Variants in BRCA1 observed in about 807,000 individuals in gnomAD.
The protein encoded by BRCA1 is BRCA1 DNA repair associated, also known as breast cancer type 1 susceptibility protein.
A neutral mutation model predicts 173.7 loss-of-function variants in BRCA1; 140 were observed. The observed-to-expected ratio is 0.81, with a 90% CI of 0.70 to 0.93. The LOEUF (loss-of-function observed/expected upper bound fraction) is 0.93. Ranked by LOEUF, BRCA1 falls within the 40% of genes least tolerant of loss-of-function variation. BRCA1 has a pLI of 0.00. For synonymous variants in BRCA1, 662 were observed against 756.0 expected (o/e 0.88, Z 2.04); for missense variants, 1,983 against 2,172.5 (o/e 0.91, Z 1.73).
Position 43,093,063 on chromosome 17 carries a change from C to T in BRCA1, c.2468G>A (p.Arg823Lys), listed in dbSNP as rs876659731. 6.2e-7 allele frequency: 1 copy of T among 1,613,820 alleles called. No homozygotes were observed. The highest frequency in any genetic ancestry group is 1.1e-5 in the South Asian group (1 of 91,080). ...GLIHGCSKDNRNDTEGFKYPL... is the reference protein window; with the variant it reads ...GLIHGCSKDNKNDTEGFKYPL... Reference sequence around the variant, plus strand: ...ATACTTAAAGCCTTCTGTGTCATTTCTATTATCTTTGGAACAACCATGAAT... The same window carrying T: ...ATACTTAAAGCCTTCTGTGTCATTTTTATTATCTTTGGAACAACCATGAAT... The change falls in exon 10 of 23, where the codon AGA becomes AAA. Residue 823 changes from arginine (R) to lysine (K), a missense_variant. By Grantham distance (26) the Arg-to-Lys change is conservative. Coordinates refer to ENST00000357654, the MANE Select transcript of BRCA1 (RefSeq NM_007294.4).
At position 43,138,827 on chromosome 17, in the gene BRCA1, C is replaced by A. The variant is rs543077107; in HGVS notation, c.-19-14712G>T. 3.9e-6 allele frequency: 3 copies of A among 778,902 alleles called. No individual in the cohort carries two copies. In the South Asian group the frequency reaches 4.0e-5, roughly 10 times the overall value. 48.2% of individuals were successfully genotyped at this position (778,902 alleles called of 1,614,324 possible). ...TGGTCAGCTGGACTCCATACTCCCC[C>A]ACCAGTCACCAGCCTGGGGACCGTG... is the stretch of plus-strand genomic sequence containing the variant. On this transcript the variant is annotated intron_variant, in intron 1 of 7. Transcript: ENST00000634433.
intron 13 of BRCA1, 117 bp downstream of exon 13, chr17:43,076,371 G>A: frequency 8.0e-7 from 1 of 1,253,078 alleles, no homozygotes; most frequent in Non-Finnish European, 1.1e-6. Context: ...CAATAAAAGT[G>A]TATAAATGCC....
chr17:43,094,546 T>A lies in BRCA1; in HGVS notation c.985A>T (p.Asn329Tyr), dbSNP rs786203732. The A allele has an allele frequency of 1.2e-6, 2 of 1,614,104 alleles. No homozygotes were observed. The highest frequency in any genetic ancestry group is 2.7e-5 in the African/African-American group (2 of 74,942). The change falls in exon 10 of 23, where the codon AAT becomes TAT. Residue 329 changes from asparagine (N) to tyrosine (Y), a missense_variant. Coordinates refer to ENST00000357654, the MANE Select transcript of BRCA1 (RefSeq NM_007294.4). ...NRWAGSKETC[N>Y]DRRTPSTEKK... ...TCTGTGCTGGGAGTCCGCCTATCAT[T>A]ACATGTTTCCTTACTTCCAGCCCAT...
chr17:43,081,484 T>G (rs1278280628), intron 12 of BRCA1, among the ~76,000 whole-genome samples: 3 of 152,204 alleles, frequency 2.0e-5, no homozygotes, highest in Non-Finnish European at 2.9e-5. Context: ...CCAGTTGGAC[T>G]GTGGAACGGG....
chr17:43,070,812 G>T, intron 15 of BRCA1, 116 bp downstream of exon 15: 2 of 1,225,474 alleles, frequency 1.6e-6, no homozygotes, highest in Non-Finnish European at 2.4e-6. Context: ...ACACAGAACT[G>T]TGATTGTTTT....
chr17:43,063,405 A>G lies in BRCA1; in HGVS notation c.5153-32T>C, dbSNP rs1222083835. The G allele has an allele frequency of 1.9e-6, 3 of 1,577,344 alleles. No individual in the cohort carries two copies. The highest frequency in any genetic ancestry group is 2.6e-6 in the Non-Finnish European group (3 of 1,147,738). ...AGATCATAGAAAAGACAGGTTACAT[A>G]CAGCAGAAGAACGTGCTCTTTTCAC... On this transcript the variant is annotated intron_variant, in intron 17 of 22. Coordinates refer to ENST00000357654, the MANE Select transcript of BRCA1 (RefSeq NM_007294.4).
At chr17:43,064,746 A>G (rs981995339) in intron 16 of BRCA1, among the ~76,000 whole-genome samples, 11 of 152,120 alleles carry the variant, frequency 7.2e-5, no homozygotes, top group African/African-American at 2.7e-4. Flanking sequence ...TATTACACTT[A>G]AAAACTTCAG....
At chr17:43,102,012 C>T (rs914044782) in intron 6 of BRCA1, among the ~76,000 whole-genome samples, 1 of 152,072 alleles carries the variant, frequency 6.6e-6, no homozygotes, top group African/African-American at 2.4e-5. Flanking sequence ...AAGCAATGCT[C>T]CAGCCTCAGC....
intron 1 of BRCA1, chr17:43,167,271 A>G (rs1338785374): frequency 2.6e-5 from 4 of 152,186 alleles, no homozygotes; most frequent in African/African-American, 9.6e-5. Flanking sequence ...AACTTATCAG[A>G]CACCGAGTTA....
In BRCA1 at chr17:43,115,780, C is replaced by T. The variant is rs80358018; in HGVS notation, c.81-1G>A. 6.2e-7 allele frequency: 1 copy of T among 1,613,154 alleles called. No homozygotes were observed. Among genetic ancestry groups the T allele is most frequent in the Non-Finnish European group, 8.5e-7 (1 of 1,179,534 alleles). On this transcript the variant is annotated splice_acceptor_variant, in intron 2 of 22. Coordinates refer to ENST00000357654, the MANE Select transcript of BRCA1 (RefSeq NM_007294.4). LOFTEE classifies it high-confidence loss of function. ...GACAGGTTCCTTGATCAACTCCAGACTAGCAGGGTAGGGGGGGAGAAAAAG... is the reference window on the plus strand; with the variant it reads ...GACAGGTTCCTTGATCAACTCCAGATTAGCAGGGTAGGGGGGGAGAAAAAG...
chr17:43,084,780 T>C (rs1306720743), intron 11 of BRCA1, among the ~76,000 whole-genome samples: 1 of 152,150 alleles, frequency 6.6e-6, no homozygotes, highest in African/African-American at 2.4e-5. Context: ...CGTGAGTAGT[T>C]ACATCACTGA....
chr17:43,076,064 G>A (rs1475322473), intron 13 of BRCA1, among the ~76,000 whole-genome samples: 1 of 151,772 alleles, frequency 6.6e-6, no homozygotes, highest in Non-Finnish European at 1.5e-5. Context: ...CTGCAATCTA[G>A]GTGACACAGG....
chr17:43,119,466 C>A (rs1262556483), intron 2 of BRCA1, among the ~76,000 whole-genome samples: 1 of 152,146 alleles, frequency 6.6e-6, no homozygotes, highest in South Asian at 2.1e-4. Flanking sequence ...CCACCTTGGG[C>A]TAACCACTCT....
chr17:43,093,433 G>C lies in BRCA1; in HGVS notation c.2098C>G (p.Leu700Val), dbSNP rs775424259. Residue 700 changes from leucine to valine, a missense_variant, in exon 10 of 23, where the codon CTG (leucine) becomes GTG (valine). Transcript: ENST00000357654. ...GAACCAGGTGCATTTGTTAACTTCAGCTCTGGGAAAGTATCGCTGTCATGT... is the reference window on the plus strand; with the variant it reads ...GAACCAGGTGCATTTGTTAACTTCACCTCTGGGAAAGTATCGCTGTCATGT... ...KRHDSDTFPELKLTNAPGSFT... is the reference protein window; with the variant it reads ...KRHDSDTFPEVKLTNAPGSFT... 1 of 1,614,030 alleles carries C rather than the reference G, an allele frequency of 6.2e-7. No homozygotes were observed. Among genetic ancestry groups the C allele is most frequent in the Admixed American group, 1.7e-5 (1 of 59,990 alleles).
chr17:43,096,937 G>A (rs1301530319), intron 8 of BRCA1, among the ~76,000 whole-genome samples: 1 of 152,072 alleles, frequency 6.6e-6, no homozygotes, highest in Non-Finnish European at 1.5e-5. Flanking sequence ...GATCTCTAAG[G>A]TTTCTTCCAA....
In BRCA1 at chr17:43,100,654, TAACATATATATATATATATATATA is replaced by T. The variant is rs2054393525; in HGVS notation, c.442-798_442-775del. On this transcript the variant is annotated intron_variant, in intron 6 of 22. Transcript: ENST00000357654. ...ATGTTATATATATATAACATATATATAACATATATATATATATATATATAATATATATATATATATATATATATG... is the reference window on the plus strand; with the variant it reads ...ATGTTATATATATATAACATATATATATATATATATATATATATATATATG... Among the ~76,000 whole-genome samples the T allele has an allele frequency of 4.7e-5, 2 of 42,462 alleles. 1 individual carries two copies. The highest frequency in any genetic ancestry group is 8.3e-4 in the Admixed American group (2 of 2,414). The allele number at this position is 42,462 out of a possible 152,430, so 27.9% of individuals were successfully genotyped here. A position where few individuals can be genotyped will look rare whatever the true frequency, so the allele number is the denominator to read the frequency against.
chr17:43,079,817 G>GT (rs1451628987), intron 12 of BRCA1: 3 of 741,378 alleles, frequency 4.0e-6, no homozygotes, highest in Non-Finnish European at 4.7e-6. Context: ...CCTTTGGACT[G>GT]TAAAAAAAAA....
upstream of BRCA1, among the ~76,000 whole-genome samples, chr17:43,129,091 C>T (rs1012858812): frequency 2.0e-5 from 3 of 152,174 alleles, no homozygotes; most frequent in African/African-American, 7.2e-5. Context: ...GAAAAGCTAA[C>T]TTGTGCCAAG....
rs1272984224 is a variant in BRCA1 at position 43,059,989 on chromosome 17, T to A, written c.5194-2854A>T. The stretch of plus-strand genomic sequence containing the variant: ...GGCGCAATCTCAGCTCACTGCAATC[T>A]CCGCCTCCTGGGTTCAAGCGATTCT... On this transcript the variant is annotated intron_variant, in intron 18 of 22. Coordinates refer to ENST00000357654, the MANE Select transcript of BRCA1 (RefSeq NM_007294.4). Among the ~76,000 whole-genome samples, 4 of 152,236 alleles carry A rather than the reference T, an allele frequency of 2.6e-5. No individual in the cohort carries two copies. The East Asian group carries it at 7.7e-4, about 29-fold the overall frequency.
Sources: gnomAD v4.1 joint callset for allele counts (sites outside exome capture counted in the v4.1 genomes callset) on GRCh38, gnomAD v4.1.1 for gene constraint, MANE v1.5 for transcripts, NCBI Gene and HGNC (gene_info 2026-07-23, HGNC 2026-07-21) for gene names.